The following GRM3 variants were observed in gnomAD, a reference collection of about 807,000 sequenced individuals.
The protein encoded by GRM3 is glutamate metabotropic receptor 3, also known as metabotropic glutamate receptor 3.
A neutral mutation model predicts 70.5 loss-of-function variants in GRM3; 26 were observed. The observed-to-expected ratio is 0.37, with a 90% CI of 0.27 to 0.51. The LOEUF (loss-of-function observed/expected upper bound fraction) is 0.51, where lower values mean the gene tolerates loss of function less well. Ranked by LOEUF, GRM3 falls within the 20% of genes least tolerant of loss-of-function variation. The pLI is 0.93. For missense variants in GRM3, 859 were observed against 1,123.8 expected, an observed-to-expected ratio of 0.76 and a Z score of 3.37; for synonymous variants, 443 against 434.9, an observed-to-expected ratio of 1.02 and a Z score of -0.23.
Position 86,765,368 on chromosome 7 carries a change from G to C in GRM3, c.223G>C (p.Ala75Pro). The C allele has an allele frequency of 6.2e-7, 1 of 1,613,976 alleles. No homozygotes were observed. The highest frequency in any genetic ancestry group is 8.5e-7 in the Non-Finnish European group (1 of 1,179,902). Residue 75 changes from alanine (A) to proline (P), a missense_variant, in exon 2 of 6, where the codon GCT becomes CCT. Coordinates refer to ENST00000361669, the MANE Select transcript of GRM3 (RefSeq NM_000840.3). ...TCAACGCCTGGAAGCCATGTTGTTT[G>C]CTATTGATGAAATCAACAAAGATGA... Reference protein sequence around the residue: ...GIQRLEAMLFAIDEINKDDYL... With the variant: ...GIQRLEAMLFPIDEINKDDYL...
intron 1 of GRM3, among the ~76,000 whole-genome samples, chr7:86,675,523 G>C (rs1301563876): frequency 1.3e-5 from 2 of 152,136 alleles, no homozygotes; most frequent in Middle Eastern, 3.4e-3. Flanking sequence ...CACTAACACA[G>C]AGAATAAAGC....
Position 86,839,595 on chromosome 7 carries a change from G to A in GRM3, c.2081G>A (p.Gly694Asp), listed in dbSNP as rs762960199. Residue 694 changes from glycine to aspartate, a missense_variant, in exon 4 of 6, where the codon GGT becomes GAT. Transcript: ENST00000361669. This position sits in a 1 kb window ranked among gnomAD's most constrained non-coding sequence, Gnocchi z 4.5. ...AGTTCTCAGGTTTTCATCTGCCTGG[G>A]TCTGATCCTGGTGCAAATTGTGATG... The part of the protein sequence containing the change: ...SPSSQVFICL[G>D]LILVQIVMVS... 6.2e-7 allele frequency: 1 copy of A among 1,613,946 alleles called. No homozygotes were observed. Among genetic ancestry groups the A allele is most frequent in the Non-Finnish European group, 8.5e-7 (1 of 1,179,946 alleles).
At position 86,838,994 on chromosome 7, in the gene GRM3, G is replaced by A. The variant is rs1584273584; in HGVS notation, c.1480G>A (p.Val494Ile). The part of the protein sequence containing the change: ...GHWAETLSLD[V>I]NSIHWSRNSV... ...CTGGGCAGAAACCTTATCGCTAGAT[G>A]TCAACTCTATCCACTGGTCCCGGAA... The change falls in exon 4 of 6, where the codon GTC becomes ATC. Residue 494 changes from valine to isoleucine, a missense_variant. By Grantham distance (29) the Val-to-Ile change is conservative. Transcript: ENST00000361669. The A allele has an allele frequency of 6.2e-7, 1 of 1,614,132 alleles. No homozygotes were observed. The highest frequency in any genetic ancestry group is 8.5e-7 in the Non-Finnish European group (1 of 1,179,988).
intron 3 of GRM3, among the ~76,000 whole-genome samples, chr7:86,801,219 T>C (rs554194146): frequency 4.5e-4 from 68 of 152,082 alleles, no homozygotes; most frequent in African/African-American, 1.6e-3. Flanking sequence ...TACAGGTGCA[T>C]GCCGCCATGC....
At chr7:86,697,545 T>A (rs927624136) in intron 1 of GRM3, among the ~76,000 whole-genome samples, 1 of 152,088 alleles carries the variant, frequency 6.6e-6, no homozygotes, top group Non-Finnish European at 1.5e-5. Context: ...TTTTTGCTTT[T>A]TTTCCCCACG....
intron 1 of GRM3, among the ~76,000 whole-genome samples, chr7:86,763,561 C>T (rs1796530890): frequency 6.6e-6 from 1 of 152,158 alleles, no homozygotes; most frequent in Non-Finnish European, 1.5e-5. Context: ...CTGTCCAAAA[C>T]ATGATCCTCA....
chr7:86,682,202 T>C (rs1042425751), intron 1 of GRM3, among the ~76,000 whole-genome samples: 1 of 152,236 alleles, frequency 6.6e-6, no homozygotes, highest in Non-Finnish European at 1.5e-5. Flanking sequence ...CTTAGTTGTT[T>C]CCATAATTTT....
chr7:86,649,620 T>C (rs1319214158), intron 1 of GRM3, among the ~76,000 whole-genome samples: 2 of 151,856 alleles, frequency 1.3e-5, no homozygotes, highest in Non-Finnish European at 2.9e-5. Flanking sequence ...GTAAATTCAG[T>C]TGAAAGGGTA....
intron 1 of GRM3, among the ~76,000 whole-genome samples, chr7:86,727,991 T>G (rs1035364044): frequency 6.6e-6 from 1 of 152,184 alleles, no homozygotes; most frequent in Non-Finnish European, 1.5e-5. Flanking sequence ...ACCCATGAGC[T>G]AAACATCAAG....
At chr7:86,849,589 A>G (rs1798720705) in intron 4 of GRM3, among the ~76,000 whole-genome samples, 1 of 152,132 alleles carries the variant, frequency 6.6e-6, no homozygotes, top group Non-Finnish European at 1.5e-5. Flanking sequence ...AAATTATGCT[A>G]CTTTATAATA....
chr7:86,672,883 G>A (rs551972212), intron 1 of GRM3, among the ~76,000 whole-genome samples: 4 of 152,188 alleles, frequency 2.6e-5, no homozygotes, highest in Non-Finnish European at 1.5e-5. Context: ...TGTGTGGAAA[G>A]TGGTGAACAT....
chr7:86,653,338 C>T (rs1022738387), intron 1 of GRM3, among the ~76,000 whole-genome samples: 5 of 152,188 alleles, frequency 3.3e-5, no homozygotes, highest in African/African-American at 1.2e-4. Context: ...CACAAATATT[C>T]GGTCCATAAC....
At chr7:86,827,399 A>C (rs944258224) in intron 3 of GRM3, among the ~76,000 whole-genome samples, 1 of 152,242 alleles carries the variant, frequency 6.6e-6, no homozygotes, top group Non-Finnish European at 1.5e-5. Flanking sequence ...TTTAGAATTT[A>C]TGTTTATTGG....
intron 1 of GRM3, among the ~76,000 whole-genome samples, chr7:86,708,028 T>C (rs898658098): frequency 6.6e-6 from 1 of 152,162 alleles, no homozygotes; most frequent in Non-Finnish European, 1.5e-5. Context: ...ACTGAGAGAC[T>C]ATATGTCAAT....
chr7:86,836,179 G>A (rs933092447), intron 3 of GRM3, among the ~76,000 whole-genome samples: 5 of 152,058 alleles, frequency 3.3e-5, no homozygotes, highest in Admixed American at 2.6e-4. Flanking sequence ...GTATTAGTTG[G>A]TAAAACAAAA....
intron 3 of GRM3, among the ~76,000 whole-genome samples, chr7:86,829,564 G>A (rs1392815978): frequency 6.6e-6 from 1 of 152,036 alleles, no homozygotes; most frequent in Non-Finnish European, 1.5e-5. Context: ...GTCATTAATT[G>A]GCCTAATGTA....
intron 1 of GRM3, among the ~76,000 whole-genome samples, chr7:86,721,555 T>TTA (rs1157410313): frequency 1.3e-5 from 2 of 151,974 alleles, no homozygotes; most frequent in African/African-American, 4.8e-5. Context: ...ACTGGATTAA[T>TTA]ACTAAAGTTA....
intron 1 of GRM3, among the ~76,000 whole-genome samples, chr7:86,661,193 T>C (rs750117773): frequency 6.6e-6 from 1 of 152,016 alleles, no homozygotes; most frequent in African/African-American, 2.4e-5. Flanking sequence ...AAGTACTCTT[T>C]CTATTCTCTT....
intron 3 of GRM3, among the ~76,000 whole-genome samples, chr7:86,818,826 A>C (rs998434925): frequency 6.6e-6 from 1 of 152,140 alleles, no homozygotes; most frequent in Non-Finnish European, 1.5e-5. Context: ...AACAATTAGC[A>C]AGGGAAGAGA....
Sources: gnomAD v4.1 joint callset for allele counts (sites outside exome capture counted in the v4.1 genomes callset) on GRCh38, gnomAD v4.1.1 for gene constraint, Gnocchi (gnomAD v3.1) non-coding constraint, MANE v1.5 for transcripts, NCBI Gene and HGNC (gene_info 2026-07-23, HGNC 2026-07-21) for gene names.